Variants in DLK1 observed in about 807,000 individuals in gnomAD.
DLK1 encodes protein delta homolog 1.
A neutral mutation model predicts 35.2 loss-of-function variants in DLK1; 9 were observed. That is an observed-to-expected ratio of 0.26 (90% CI 0.15 to 0.45). DLK1 has a LOEUF of 0.45. Among genes scored for constraint, DLK1 ranks in the 20% least tolerant of loss-of-function variants. The pLI is 1.00. For synonymous variants in DLK1, 231 were observed against 228.4 expected, an observed-to-expected ratio of 1.01 and a Z score of -0.10; for missense variants, 522 against 528.5, an observed-to-expected ratio of 0.99 and a Z score of 0.12.
intron 3 of DLK1, among the ~76,000 whole-genome samples, chr14:100,731,014 C>T (rs2036501281): frequency 7.2e-6 from 1 of 138,214 alleles, no homozygotes; most frequent in African/African-American, 2.7e-5. Context: ...CTCTCACTGG[C>T]CCTGGCTTTC....
chr14:100,730,542 C>T (rs1211854482), intron 3 of DLK1, among the ~76,000 whole-genome samples: 1 of 152,212 alleles, frequency 6.6e-6, no homozygotes, highest in Non-Finnish European at 1.5e-5. Flanking sequence ...AGCAGAGACC[C>T]CCAAGCAGCC....
At chr14:100,732,021 G>A (rs369631519) in intron 3 of DLK1, 21 bp from the exon 4 acceptor site, 43 of 1,601,004 alleles carry the variant, frequency 2.7e-5, no homozygotes, top group Admixed American at 1.0e-4. Context: ...CTAAGTTCTC[G>A]TCTTCCCCGT....
intron 3 of DLK1, among the ~76,000 whole-genome samples, chr14:100,730,857 A>G (rs1222580527): frequency 2.0e-5 from 3 of 152,156 alleles, no homozygotes; most frequent in Non-Finnish European, 4.4e-5. Flanking sequence ...CACAACGTTC[A>G]GGCTCTTCCT....
Position 100,734,677 on chromosome 14 carries a change from C to G in DLK1, c.933C>G (p.Gly311=), listed in dbSNP as rs573553673. 8 of 1,613,972 alleles carry G rather than the reference C, an allele frequency of 5.0e-6. No individual in the cohort carries two copies. In the African/African-American group the frequency reaches 8.0e-5, roughly 16 times the overall value. Reference sequence around the variant, plus strand: ...AGGCCATCTGCTTCACCATCCTGGGCGTGCTCACCAGCCTGGTGGTGCTGG... The same window carrying G: ...AGGCCATCTGCTTCACCATCCTGGGGGTGCTCACCAGCCTGGTGGTGCTGG... ...EGQAICFTIL[G]VLTSLVVLGT... is the part of the protein sequence containing the mutation. The change falls in exon 5 of 5, where the codon GGC becomes GGG. Residue 311 remains glycine, a synonymous_variant. Coordinates refer to ENST00000341267, the MANE Select transcript of DLK1 (RefSeq NM_003836.7). This position sits in a 1 kb window ranked among gnomAD's most constrained non-coding sequence, Gnocchi z 7.4.
intron 3 of DLK1, 94 bp downstream of exon 3, chr14:100,729,160 C>T: frequency 6.3e-7 from 1 of 1,582,616 alleles, no homozygotes; most frequent in Non-Finnish European, 8.6e-7. Flanking sequence ...GCTGGTGTTC[C>T]TCACTTCCTC....
rs1289366733 is a variant in DLK1 at position 100,734,163 on chromosome 14, A to G, written c.419A>G (p.His140Arg). 6.2e-7 allele frequency: 1 copy of G among 1,607,714 alleles called. No homozygotes were observed. The highest frequency in any genetic ancestry group is 2.2e-5 in the East Asian group (1 of 44,846). The change falls in exon 5 of 5, where the codon CAC (histidine) becomes CGC (arginine). Residue 140 changes from histidine (H) to arginine (R), a missense_variant. His to Arg is a conservative substitution (Grantham distance 29, BLOSUM62 0). Transcript: ENST00000341267. This position sits in a 1 kb window ranked among gnomAD's most constrained non-coding sequence, Gnocchi z 7.4. ...PCVINGSPCQ[H>R]GGTCVDDEGR... Reference sequence around the variant, plus strand: ...TTGTGTTGCAGCTCCCCCTGCCAGCACGGAGGCACCTGCGTGGATGATGAG... The same window carrying G: ...TTGTGTTGCAGCTCCCCCTGCCAGCGCGGAGGCACCTGCGTGGATGATGAG...
At chr14:100,728,498 A>G in intron 2 of DLK1, 39 bp downstream of exon 2, 1 of 1,610,310 alleles carries the variant, frequency 6.2e-7, no homozygotes, top group Non-Finnish European at 8.5e-7. Flanking sequence ...TGTAGGGGCC[A>G]CGCAGAAGCC....
At position 100,737,343 on chromosome 14, in the gene DLK1, C is replaced by T. The variant is rs2036585404; in HGVS notation, c.*2447C>T. The stretch of plus-strand genomic sequence containing the variant: ...GTCAGGCGGGCGTCTGGTACCCTGC[C>T]TGGCCTCTCTCAGCGTGAGACCTGG... On this transcript the variant is annotated 3_prime_UTR_variant, in exon 5 of 5. Coordinates refer to ENST00000341267, the MANE Select transcript of DLK1 (RefSeq NM_003836.7). The T allele has an allele frequency of 6.6e-6, 1 of 151,918 alleles. No homozygotes were observed. Among genetic ancestry groups the T allele is most frequent in the Non-Finnish European group, 1.5e-5 (1 of 68,002 alleles). 9.4% of individuals were successfully genotyped at this position (151,918 alleles called of 1,614,324 possible).
intron 3 of DLK1, among the ~76,000 whole-genome samples, chr14:100,731,352 A>G (rs980315744): frequency 3.3e-5 from 5 of 152,212 alleles, no homozygotes; most frequent in Admixed American, 6.5e-5. Context: ...ACCAGTGCTC[A>G]TGGAAACCTG....
Position 100,736,917 on chromosome 14 carries a change from C to G in DLK1, c.*2021C>G. ...TTCCCCTCCTGTTAGCCCACCCCTC[C>G]TTTCCTATCACCCCCACCTTTCCCT... On this transcript the variant is annotated 3_prime_UTR_variant, in exon 5 of 5. Coordinates refer to ENST00000341267, the MANE Select transcript of DLK1 (RefSeq NM_003836.7). 7.2e-6 allele frequency: 1 copy of G among 139,542 alleles called. No individual in the cohort carries two copies. The allele number at this position is 139,542 out of a possible 1,614,324, so 8.6% of individuals were successfully genotyped here.
In DLK1 at chr14:100,728,804, A is replaced by G. The variant is rs74078937; in HGVS notation, c.132-132A>G. The G allele has an allele frequency of 6.2e-3, 7,568 of 1,224,570 alleles. 338 individuals are homozygous for G. In the African/African-American group the frequency reaches 0.1, roughly 16 times the overall value. 75.9% of individuals were successfully genotyped at this position (1,224,570 alleles called of 1,614,324 possible). On this transcript the variant is annotated intron_variant, in intron 2 of 4. Coordinates refer to ENST00000341267, the MANE Select transcript of DLK1 (RefSeq NM_003836.7). ...TTTCCCATTCAGGTGGCTGGTGTTT[A>G]CTTCCCAGGACCACCGGCTGCCACT...
rs1221355401 is a variant in DLK1 at position 100,736,504 on chromosome 14, C to T, written c.*1608C>T. On this transcript the variant is annotated 3_prime_UTR_variant, in exon 5 of 5. Transcript: ENST00000341267. ...GCCATCGTCATGACACAATATCGAC[C>T]TCATCACCTCATCGTCCTCCAGCCA... The T allele has an allele frequency of 6.6e-6, 1 of 152,138 alleles. No homozygotes were observed. The highest frequency in any genetic ancestry group is 1.5e-5 in the Non-Finnish European group (1 of 68,142). The allele number at this position is 152,138 out of a possible 1,614,324, so 9.4% of individuals were successfully genotyped here.
chr14:100,732,969 G>T (rs751218293), intron 4 of DLK1, among the ~76,000 whole-genome samples: 35 of 152,302 alleles, frequency 2.3e-4, no homozygotes, highest in Non-Finnish European at 4.6e-4. Context: ...CCTTTCCTCT[G>T]AAGAAACAGA....
At position 100,734,279 on chromosome 14, in the gene DLK1, T is replaced by C. The variant is rs2036542935; in HGVS notation, c.535T>C (p.Cys179Arg). The change falls in exon 5 of 5, where the codon TGC (cysteine) becomes CGC (arginine). Residue 179 changes from cysteine to arginine, a missense_variant. Cys to Arg is a radical substitution (Grantham distance 180, BLOSUM62 -3). Coordinates refer to ENST00000341267, the MANE Select transcript of DLK1 (RefSeq NM_003836.7). The surrounding 1 kb of genome is among the most constrained non-coding windows in gnomAD (Gnocchi z 7.4). ...IVANSCTPNP[C>R]ENDGVCTDIG... ...GGCCAACAGCTGCACCCCCAACCCA[T>C]GCGAGAACGACGGCGTCTGCACTGA... 1.2e-6 allele frequency: 2 copies of C among 1,613,442 alleles called. No individual in the cohort carries two copies. Among genetic ancestry groups the C allele is most frequent in the Admixed American group, 1.7e-5 (1 of 60,026 alleles).
At chr14:100,732,335 G>A (rs1595208375) in intron 4 of DLK1, 152 bp downstream of exon 4, 1 of 1,182,758 alleles carries the variant, frequency 8.5e-7, no homozygotes, top group Non-Finnish European at 1.2e-6. Flanking sequence ...CCCTGGATGG[G>A]AGTATTCACG....
chr14:100,729,515 T>G (rs1595206221), intron 3 of DLK1, among the ~76,000 whole-genome samples: 2 of 116,804 alleles, frequency 1.7e-5, no homozygotes, highest in Admixed American at 9.4e-5. Flanking sequence ...GGGTGGGGGG[T>G]GGCCAGCACT....
chr14:100,732,230 C>T (rs142237944), intron 4 of DLK1, 47 bp downstream of exon 4: 18 of 1,586,810 alleles, frequency 1.1e-5, no homozygotes, highest in Admixed American at 6.9e-5. Context: ...GCTTTTCATG[C>T]GGCCACCAAA....
chr14:100,729,484 GAGGCTGCA>G (rs1216823382), intron 3 of DLK1, among the ~76,000 whole-genome samples: 7 of 151,900 alleles, frequency 4.6e-5, no homozygotes, highest in Non-Finnish European at 7.4e-5. Flanking sequence ...AGACTGTAAA[GAGGCTGCA>G]AACAAACAAA....
At chr14:100,728,732 G>GCCCCTCCAAGTCGGC in intron 2 of DLK1, 2 of 775,218 alleles carry the variant, frequency 2.6e-6, no homozygotes, top group South Asian at 3.5e-5. Context: ...GGATCTCGGG[G>GCCCCTCCAAGTCGGC]CCCCTCCAAG....
Sources: gnomAD v4.1 joint callset for allele counts (sites outside exome capture counted in the v4.1 genomes callset) on GRCh38, gnomAD v4.1.1 for gene constraint, Gnocchi (gnomAD v3.1) non-coding constraint, MANE v1.5 for transcripts, NCBI Gene and HGNC (gene_info 2026-07-23, HGNC 2026-07-21) for gene names.